Variants in SYN3 observed in about 807,000 individuals in gnomAD.
SYN3 encodes synapsin III.
Under a neutral mutation model 65.8 loss-of-function variants are expected in SYN3, and 35 were observed. The observed-to-expected ratio is 0.53, with a 90% CI of 0.41 to 0.70. The LOEUF is 0.70. SYN3 is among the 30% of genes least tolerant of loss of function. The pLI is 0.00. For missense variants in SYN3, 680 were observed against 749.0 expected (o/e 0.91, Z 1.08); for synonymous variants, 270 against 292.9 (o/e 0.92, Z 0.80).
intron 6 of SYN3, among the ~76,000 whole-genome samples, chr22:32,744,826 T>G (rs2044877693): frequency 1.3e-5 from 2 of 151,764 alleles, no homozygotes; most frequent in South Asian, 4.2e-4. Context: ...AGCAGGGTGG[T>G]CTGACAAGAG....
chr22:32,820,269 C>CGT (rs374591413), intron 6 of SYN3, among the ~76,000 whole-genome samples: 19,704 of 144,886 alleles, frequency 0.14, 1,669 homozygotes, highest in South Asian at 0.28. Context: ...TGTGCGTGCG[C>CGT]GTGTGTGTGT....
intron 6 of SYN3, among the ~76,000 whole-genome samples, chr22:32,794,230 C>T (rs944368691): frequency 6.6e-6 from 1 of 152,234 alleles, no homozygotes; most frequent in African/African-American, 2.4e-5. Context: ...AATCTACACA[C>T]ACCACAGCAA....
intron 6 of SYN3, among the ~76,000 whole-genome samples, chr22:32,607,586 C>T (rs567589751): frequency 3.3e-5 from 5 of 152,316 alleles, no homozygotes; most frequent in African/African-American, 9.6e-5. Flanking sequence ...GAACTCCCTG[C>T]ATCACCTCCT....
intron 6 of SYN3, among the ~76,000 whole-genome samples, chr22:32,796,626 G>C (rs1333639420): frequency 6.6e-6 from 1 of 152,144 alleles, no homozygotes. Flanking sequence ...AGAGCTCATG[G>C]GGATGGGTGG....
chr22:33,013,558 A>G (rs566517505), intron 1 of SYN3, among the ~76,000 whole-genome samples: 23 of 152,250 alleles, frequency 1.5e-4, no homozygotes, highest in South Asian at 8.3e-4. Flanking sequence ...TTTTCTGTGG[A>G]AAAAAAATTT....
chr22:32,631,032 G>A (rs957951552), intron 6 of SYN3, among the ~76,000 whole-genome samples: 4 of 152,132 alleles, frequency 2.6e-5, no homozygotes, highest in Admixed American at 2.0e-4. Flanking sequence ...GGTGGCTCAC[G>A]CCTGTAATCC....
At chr22:32,721,059 T>C (rs985571541) in intron 6 of SYN3, among the ~76,000 whole-genome samples, 5 of 152,256 alleles carry the variant, frequency 3.3e-5, no homozygotes, top group Non-Finnish European at 7.3e-5. Context: ...CCAGACAATC[T>C]GTTTCTCATT....
At chr22:32,673,321 C>T (rs908131571) in intron 6 of SYN3, among the ~76,000 whole-genome samples, 3 of 152,184 alleles carry the variant, frequency 2.0e-5, no homozygotes, top group Non-Finnish European at 4.4e-5. Flanking sequence ...ACTATCTCCT[C>T]CCCCAGAGAG....
At chr22:32,683,731 T>C (rs2060554082) in intron 6 of SYN3, among the ~76,000 whole-genome samples, 1 of 152,220 alleles carries the variant, frequency 6.6e-6, no homozygotes, top group Non-Finnish European at 1.5e-5. Context: ...GTCCTAATGC[T>C]CAGTACTTCA....
At chr22:32,964,898 G>C (rs1280280105) in intron 3 of SYN3, among the ~76,000 whole-genome samples, 1 of 152,100 alleles carries the variant, frequency 6.6e-6, no homozygotes, top group Non-Finnish European at 1.5e-5. Flanking sequence ...GTCAGACTTG[G>C]CAAGGAGGAG....
At chr22:32,680,489 C>G (rs763714809) in intron 6 of SYN3, among the ~76,000 whole-genome samples, 1 of 152,162 alleles carries the variant, frequency 6.6e-6, no homozygotes, top group Admixed American at 6.5e-5. Context: ...TTTTTCAAAT[C>G]AAGACACCTT....
rs1170067955 is a variant in SYN3, at chr22:32,923,206, G to T, written c.461+8184C>A. Among the ~76,000 whole-genome samples, 7 of 152,152 alleles carry T rather than the reference G, an allele frequency of 4.6e-5. 1 individual carries two copies. The highest frequency in any genetic ancestry group is 3.3e-4 in the Admixed American group (5 of 15,282). On this transcript the variant is annotated intron_variant, in intron 4 of 13. Coordinates refer to ENST00000358763, the MANE Select transcript of SYN3 (RefSeq NM_003490.4). ...CTGGCATCAGTCTTGAAGTCTGAAG[G>T]CCTAAGAACCAGGAGCGTTGATGTC...
chr22:32,796,343 C>T (rs186842453), intron 6 of SYN3, among the ~76,000 whole-genome samples: 1 of 152,262 alleles, frequency 6.6e-6, no homozygotes, highest in Admixed American at 6.5e-5. Context: ...GGCTTAAAAA[C>T]ACTGAGAGTA....
intron 6 of SYN3, among the ~76,000 whole-genome samples, chr22:32,626,000 CA>C: frequency 6.6e-6 from 1 of 152,106 alleles, no homozygotes; most frequent in Admixed American, 6.5e-5. Flanking sequence ...AAGGAGGAAT[CA>C]GGAAAGGCTT....
intron 6 of SYN3, among the ~76,000 whole-genome samples, chr22:32,790,593 T>C (rs542489161): frequency 1.1e-4 from 17 of 152,056 alleles, no homozygotes; most frequent in African/African-American, 4.1e-4. Flanking sequence ...GCTTGGCTAA[T>C]TTTTTGTATT....
In SYN3 at chr22:32,509,772, G is replaced by A. The variant is rs1230897095; in HGVS notation, c.*3920C>T. ...TTTAGTAGAGATGGGGTTTCACCGTGTTAGCCAGGATGGTCTCGATCTCCT... is the reference window on the plus strand; with the variant it reads ...TTTAGTAGAGATGGGGTTTCACCGTATTAGCCAGGATGGTCTCGATCTCCT... On this transcript the variant is annotated 3_prime_UTR_variant, in exon 14 of 14. Coordinates refer to ENST00000358763, the MANE Select transcript of SYN3 (RefSeq NM_003490.4). Among the ~76,000 whole-genome samples, 1 of 152,052 alleles carries A rather than the reference G, an allele frequency of 6.6e-6. No individual in the cohort carries two copies. The highest frequency in any genetic ancestry group is 1.5e-5 in the Non-Finnish European group (1 of 68,026).
chr22:32,840,647 G>GC (rs1369034743), intron 6 of SYN3, among the ~76,000 whole-genome samples: 1 of 151,110 alleles, frequency 6.6e-6, no homozygotes, highest in African/African-American at 2.4e-5. Context: ...CGCCCCCTCC[G>GC]CCCCCCACCC....
At chr22:32,556,832 T>TTTTTTTTG (rs1569035433) in intron 7 of SYN3, among the ~76,000 whole-genome samples, 1 of 132,872 alleles carries the variant, frequency 7.5e-6, no homozygotes, top group Non-Finnish European at 1.6e-5. Context: ...TTTTTTTTTT[T>TTTTTTTTG]TTTGTGTGTA....
At chr22:32,993,911 C>T (rs1356240041) in intron 2 of SYN3, among the ~76,000 whole-genome samples, 1 of 152,112 alleles carries the variant, frequency 6.6e-6, no homozygotes, top group Non-Finnish European at 1.5e-5. Context: ...AGATTTCTCC[C>T]CACACTCTCT....
Sources: allele counts gnomAD v4.1 joint callset (sites outside exome capture counted in the v4.1 genomes callset), GRCh38; gene constraint gnomAD v4.1.1; transcripts MANE v1.5; gene names NCBI Gene and HGNC (gene_info 2026-07-23, HGNC 2026-07-21).